Variants in CHM observed in about 807,000 individuals in gnomAD.
The protein encoded by CHM is CHM Rab escort protein.
In CHM, 10 loss-of-function variants were observed where a neutral mutation model predicts 49.0. That is an observed-to-expected ratio of 0.20 (90% CI 0.13 to 0.35). The LOEUF is 0.35. CHM is among the 10% of genes least tolerant of loss of function. The pLI, the probability that CHM is intolerant of heterozygous loss-of-function variation, is 1.00. For synonymous variants in CHM, 184 were observed against 167.5 expected, an observed-to-expected ratio of 1.10 and a Z score of -0.76; for missense variants, 455 against 478.4, an observed-to-expected ratio of 0.95 and a Z score of 0.46.
At chrX:85,909,761 G>GCTATGCAAATTATTCATGT (rs765214638) in intron 9 of CHM, among the ~76,000 whole-genome samples, 1 of 111,960 alleles carries the variant, frequency 8.9e-6, no homozygotes, top group Non-Finnish European at 1.9e-5. Context: ...ACAAACATGA[G>GCTATGCAAATTATTCATGT]CTATGCAAAT....
intron 8 of CHM, among the ~76,000 whole-genome samples, chrX:85,955,117 C>T (rs749144080): frequency 9.1e-6 from 1 of 110,475 alleles, no homozygotes; most frequent in African/African-American, 3.3e-5. Flanking sequence ...GAGGGGGCAG[C>T]GGATAAGTAG....
At chrX:85,922,360 A>C (rs1023556096) in intron 8 of CHM, among the ~76,000 whole-genome samples, 1 of 111,293 alleles carries the variant, frequency 9.0e-6, no homozygotes, top group East Asian at 2.8e-4. Flanking sequence ...TTTGAGCAGG[A>C]AGTAGAGGGA....
At chrX:86,040,739 T>G (rs142360411) in intron 1 of CHM, among the ~76,000 whole-genome samples, 203 of 112,099 alleles carry the variant, frequency 1.8e-3, no homozygotes, top group African/African-American at 6.3e-3. Flanking sequence ...GCTCTCATAA[T>G]CATGCTCTAA....
intron 4 of CHM, 76 bp from the exon 5 acceptor site, chrX:85,964,128 G>T: frequency 1.1e-6 from 1 of 938,489 alleles, no homozygotes; most frequent in Non-Finnish European, 1.5e-6. Context: ...TTCAGTGTAC[G>T]TTTTGCTTAT....
rs757870621 is a variant in CHM at position 85,940,619 on chromosome X, A to C, written c.1166+15534T>G. Among the ~76,000 whole-genome samples the C allele has an allele frequency of 9.2e-5, 6 of 65,466 alleles. No homozygotes were observed. The East Asian group carries it at 1.9e-3, about 20-fold the overall frequency. 56.8% of individuals were successfully genotyped at this position (65,466 alleles called of 115,157 possible). ...CCCTTTCCCCAACACAGAGAAAATT[A>C]TCCTGGCAAAAAAAAAAAATGTAAA... On this transcript the variant is annotated intron_variant, in intron 8 of 14. Coordinates refer to ENST00000357749, the MANE Select transcript of CHM (RefSeq NM_000390.4).
intron 2 of CHM, among the ~76,000 whole-genome samples, chrX:86,020,631 C>T (rs1252288959): frequency 9.5e-6 from 1 of 105,198 alleles, no homozygotes; most frequent in Non-Finnish European, 1.9e-5. Flanking sequence ...TGATATACAT[C>T]TGATATATAT....
chrX:86,045,518 G>C (rs182138815), intron 1 of CHM, among the ~76,000 whole-genome samples: 64 of 111,604 alleles, frequency 5.7e-4, no homozygotes, highest in African/African-American at 1.9e-3. Flanking sequence ...CTTCAAATAA[G>C]TTCTTCCCAA....
chrX:85,931,375 T>C (rs899997432), intron 8 of CHM, among the ~76,000 whole-genome samples: 2 of 111,411 alleles, frequency 1.8e-5, no homozygotes, highest in Non-Finnish European at 3.8e-5. Context: ...AATAGACCAG[T>C]TCGATTTGCT....
At chrX:86,001,935 G>A (rs1020312623) in intron 2 of CHM, among the ~76,000 whole-genome samples, 2 of 111,050 alleles carry the variant, frequency 1.8e-5, no homozygotes, top group African/African-American at 6.6e-5. Context: ...ATGGTGTAAT[G>A]GTCAACACCC....
intron 2 of CHM, among the ~76,000 whole-genome samples, chrX:85,986,280 C>T (rs909470981): frequency 9.0e-6 from 1 of 111,175 alleles, no homozygotes; most frequent in Non-Finnish European, 1.9e-5. Flanking sequence ...AAAATCACTA[C>T]TAAGGTCCGT....
At chrX:85,976,580 C>A (rs1276989292) in intron 4 of CHM, among the ~76,000 whole-genome samples, 5 of 108,240 alleles carry the variant, frequency 4.6e-5, no homozygotes, top group African/African-American at 1.7e-4. Context: ...AGAGACCACG[C>A]ACCACTGCAC....
intron 2 of CHM, among the ~76,000 whole-genome samples, chrX:85,986,045 G>A (rs1310444480): frequency 9.0e-6 from 1 of 110,929 alleles, no homozygotes; most frequent in Admixed American, 9.6e-5. Flanking sequence ...AAGAAGCAAA[G>A]ACCCTAAGTG....
intron 4 of CHM, among the ~76,000 whole-genome samples, chrX:85,972,674 G>A (rs1009968320): frequency 3.6e-5 from 4 of 112,619 alleles, no homozygotes; most frequent in African/African-American, 9.7e-5. Flanking sequence ...CCAAGCCCAC[G>A]CCCACCCGGA....
intron 8 of CHM, among the ~76,000 whole-genome samples, chrX:85,955,447 G>A (rs1929961127): frequency 8.9e-6 from 1 of 111,845 alleles, no homozygotes; most frequent in Non-Finnish European, 1.9e-5. Context: ...AGTATTCCCT[G>A]AAGATAAAAC....
chrX:85,972,380 T>C (rs1400565442), intron 4 of CHM, among the ~76,000 whole-genome samples: 1 of 113,224 alleles, frequency 8.8e-6, no homozygotes, highest in Non-Finnish European at 1.9e-5. Flanking sequence ...CCTTGGGCGG[T>C]TGATGGGACT....
At chrX:85,978,690 T>C in intron 4 of CHM, 77 bp downstream of exon 4, 1 of 1,049,266 alleles carries the variant, frequency 9.5e-7, no homozygotes. Context: ...GCCACATAAA[T>C]CTTTATTGTT....
chrX:85,959,830 TAATA>T (rs772980476), intron 5 of CHM, among the ~76,000 whole-genome samples: 7 of 111,772 alleles, frequency 6.3e-5, no homozygotes, highest in African/African-American at 9.7e-5. Context: ...GTTACATCTA[TAATA>T]AATAAATGGG....
chrX:85,884,108 G>T (rs1362899757), intron 12 of CHM, among the ~76,000 whole-genome samples: 1 of 110,531 alleles, frequency 9.0e-6, no homozygotes, highest in African/African-American at 3.3e-5. Flanking sequence ...CCTGAAAGAT[G>T]AACTCTGTGA....
intron 12 of CHM, among the ~76,000 whole-genome samples, chrX:85,893,272 T>G (rs1470453891): frequency 8.9e-6 from 1 of 111,955 alleles, no homozygotes; most frequent in African/African-American, 3.2e-5. Context: ...TATTGACTCC[T>G]ATTTACTGAA....
Sources: gnomAD v4.1 joint callset for allele counts (sites outside exome capture counted in the v4.1 genomes callset) on GRCh38, gnomAD v4.1.1 for gene constraint, MANE v1.5 for transcripts, NCBI Gene and HGNC (gene_info 2026-07-23, HGNC 2026-07-21) for gene names.